Variants in ANXA6 observed in about 807,000 individuals in gnomAD.
ANXA6 encodes annexin A6.
ANXA6 carries 71 observed loss-of-function variants against 95.4 expected under a neutral mutation model. The observed-to-expected ratio is 0.74, with a 90% CI of 0.61 to 0.91. The LOEUF (loss-of-function observed/expected upper bound fraction) is 0.91. Among genes scored for constraint, ANXA6 ranks in the 40% least tolerant of loss-of-function variants. ANXA6 has a pLI of 0.00. For missense variants in ANXA6, 830 were observed against 876.4 expected, an observed-to-expected ratio of 0.95 and a Z score of 0.67; for synonymous variants, 289 against 315.9, an observed-to-expected ratio of 0.91 and a Z score of 0.90.
In ANXA6 at chr5:151,101,329, A is replaced by AAC; in HGVS notation, c.*117_*118dup. On this transcript the variant is annotated 3_prime_UTR_variant, in exon 26 of 26. Transcript: ENST00000354546. ...TCCACTGAAGATAAGAGCCCAACCCAACCCCTCCCCCCACCCCTGCCCCTT... is the reference window on the plus strand; with the variant it reads ...TCCACTGAAGATAAGAGCCCAACCCAACACCCCTCCCCCCACCCCTGCCCCTT... 2.5e-6 allele frequency: 1 copy of AAC among 401,590 alleles called. No homozygotes were observed. The highest frequency in any genetic ancestry group is 5.0e-6 in the Non-Finnish European group (1 of 200,476). The allele number at this position is 401,590 out of a possible 1,614,324, so 24.9% of individuals were successfully genotyped here. A position where few individuals can be genotyped will look rare whatever the true frequency, so the allele number is the denominator to read the frequency against.
At chr5:151,104,552 C>G (rs1554083539) in intron 24 of ANXA6, among the ~76,000 whole-genome samples, 1 of 152,246 alleles carries the variant, frequency 6.6e-6, no homozygotes, top group Non-Finnish European at 1.5e-5. Flanking sequence ...CAGCTGTGGT[C>G]AGAGAGATGA....
At position 151,132,639 on chromosome 5, in the gene ANXA6, C is replaced by T. The variant is rs1765549142; in HGVS notation, c.641-68G>A. The T allele has an allele frequency of 2.2e-6, 3 of 1,357,066 alleles. No individual in the cohort carries two copies. In the Middle Eastern group the frequency reaches 5.9e-4, roughly 267 times the overall value. 84.1% of individuals were successfully genotyped at this position (1,357,066 alleles called of 1,614,324 possible). A position where few individuals can be genotyped will look rare whatever the true frequency, so the allele number is the denominator to read the frequency against. On this transcript the variant is annotated intron_variant, in intron 9 of 25. Transcript: ENST00000354546. ...TACCCCCGAGAAGAAATGAGGACTT[C>T]AAGAGCAGGGGGGCACAGTGGCCAG... is the stretch of plus-strand genomic sequence containing the variant.
chr5:151,117,177 G>T lies in ANXA6; in HGVS notation c.1522C>A (p.His508Asn), dbSNP rs112943838. The T allele has an allele frequency of 6.7e-4, 1,063 of 1,590,014 alleles. 5 individuals are homozygous for T. In the African/African-American group the frequency reaches 0.012, roughly 18 times the overall value. The change falls in exon 20 of 26, where the codon CAT (histidine) becomes AAT (asparagine). Residue 508 changes from histidine to asparagine, a missense_variant. Physicochemically the swap from His to Asn is moderately conservative, Grantham distance 68. Coordinates refer to ENST00000354546, the MANE Select transcript of ANXA6 (RefSeq NM_001155.5). Reference protein sequence around the residue: ...RRILISLATGHREEGGENLDQ... With the variant: ...RRILISLATGNREEGGENLDQ... ...AGGTTTTCTCCTCCCTCCTCACGAT[G>T]CCCCTGCAGCAGGAGCAGCAAGAAA... is the stretch of plus-strand genomic sequence containing the variant.
intron 23 of ANXA6, among the ~76,000 whole-genome samples, chr5:151,106,487 C>T (rs1764698310): frequency 6.6e-6 from 1 of 152,166 alleles, no homozygotes; most frequent in Non-Finnish European, 1.5e-5. Flanking sequence ...CTACTACCTC[C>T]CAAACAAATC....
chr5:151,111,452 C>T (rs1764846072), intron 20 of ANXA6, among the ~76,000 whole-genome samples: 1 of 152,220 alleles, frequency 6.6e-6, no homozygotes, highest in Admixed American at 6.5e-5. Flanking sequence ...CTCTTCTTTT[C>T]ATTGCATAAT....
rs923671024 is a variant in ANXA6 at position 151,143,483 on chromosome 5, C to G, written c.19-3240G>C. 1.1e-4 allele frequency among the ~76,000 whole-genome samples: 16 copies of G among 152,178 alleles called. 1 individual carries two copies. The highest frequency in any genetic ancestry group is 8.5e-4 in the Admixed American group (13 of 15,278). ...ACTCACAATTCCAGGGCAGCTAGGG[C>G]TACCCTACCATTCATTCATTCAATC... is the stretch of plus-strand genomic sequence containing the variant. On this transcript the variant is annotated intron_variant, in intron 2 of 25. Coordinates refer to ENST00000354546, the MANE Select transcript of ANXA6 (RefSeq NM_001155.5).
chr5:151,139,367 A>C lies in ANXA6; in HGVS notation c.190T>G (p.Ser64Ala). The change falls in exon 4 of 26, where the codon TCC becomes GCC. Residue 64 changes from serine to alanine, a missense_variant. Physicochemically the swap from Ser to Ala is moderately conservative, Grantham distance 99. Coordinates refer to ENST00000354546, the MANE Select transcript of ANXA6 (RefSeq NM_001155.5). ...GCTGTGGTTACCTTGCCGTAGAGGG[A>C]CTTGTAGCTCTGGCAGACCTCCTGC... is the stretch of plus-strand genomic sequence containing the variant. ...QRQEVCQSYK[S>A]LYGKDLIADL... The C allele has an allele frequency of 1.2e-6, 2 of 1,611,790 alleles. No homozygotes were observed. The highest frequency in any genetic ancestry group is 1.7e-6 in the Non-Finnish European group (2 of 1,178,710).
intron 17 of ANXA6, among the ~76,000 whole-genome samples, chr5:151,119,989 C>G (rs1199036040): frequency 6.6e-6 from 1 of 152,144 alleles, no homozygotes; most frequent in African/African-American, 2.4e-5. Flanking sequence ...AGGTGATTCT[C>G]CTACTTCAGC....
intron 13 of ANXA6, 52 bp downstream of exon 13, chr5:151,128,129 G>A (rs1765380781): frequency 6.0e-6 from 9 of 1,504,220 alleles, no homozygotes; most frequent in African/African-American, 1.4e-5. Flanking sequence ...GAGAGTCCCC[G>A]CCTGGCACCC....
At chr5:151,142,605 G>A (rs1057097219) in intron 2 of ANXA6, among the ~76,000 whole-genome samples, 8 of 152,202 alleles carry the variant, frequency 5.3e-5, no homozygotes, top group African/African-American at 1.4e-4. Flanking sequence ...GGAGACTGTC[G>A]TGAATAAGAC....
intron 3 of ANXA6, 62 bp downstream of exon 3, chr5:151,140,091 G>T: frequency 6.7e-7 from 1 of 1,489,754 alleles, no homozygotes; most frequent in Admixed American, 1.8e-5. Flanking sequence ...CACCAGAAGG[G>T]CTCTGGGCTG....
At position 151,133,201 on chromosome 5, in the gene ANXA6, G is replaced by GGTTTCCTCTTTCAGTCAA; in HGVS notation, c.547-15_547-14insTTGACTGAAAGAGGAAAC. The GGTTTCCTCTTTCAGTCAA allele has an allele frequency of 6.4e-7, 1 of 1,555,708 alleles. No individual in the cohort carries two copies. The highest frequency in any genetic ancestry group is 8.7e-7 in the Non-Finnish European group (1 of 1,146,234). On this transcript the variant is annotated splice_polypyrimidine_tract_variant and intron_variant, in intron 8 of 25. Transcript: ENST00000354546. ...CTCGTATAGGTCCTGAAGGGGAAGA[G>GGTTTCCTCTTTCAGTCAA]GTGGCACTTGACTGAAAGAGGAAAC...
chr5:151,108,114 A>G (rs1182679009), intron 23 of ANXA6, among the ~76,000 whole-genome samples: 1 of 151,502 alleles, frequency 6.6e-6, no homozygotes, highest in Non-Finnish European at 1.5e-5. Flanking sequence ...GTGTGTGTGT[A>G]TAGTATGTGT....
chr5:151,148,024 C>T (rs1371605933), intron 1 of ANXA6, 98 bp from the exon 2 acceptor site: 3 of 1,236,964 alleles, frequency 2.4e-6, no homozygotes, highest in Non-Finnish European at 2.3e-6. Flanking sequence ...CCAGCTGCCC[C>T]CAGCCCTTCA....
chr5:151,128,060 C>T (rs969643700), intron 13 of ANXA6, 121 bp downstream of exon 13: 46 of 854,120 alleles, frequency 5.4e-5, no homozygotes, highest in Admixed American at 2.0e-4. Flanking sequence ...ACTTGTGCGA[C>T]GCTCCTGGCT....
intron 14 of ANXA6, among the ~76,000 whole-genome samples, chr5:151,125,391 C>T (rs1053652235): frequency 1.3e-5 from 2 of 149,584 alleles, no homozygotes; most frequent in African/African-American, 4.9e-5. Flanking sequence ...TATATAACTA[C>T]CATGAATTAG....
chr5:151,111,369 C>G (rs1764843376), intron 20 of ANXA6, among the ~76,000 whole-genome samples: 1 of 152,240 alleles, frequency 6.6e-6, no homozygotes, highest in Admixed American at 6.5e-5. Context: ...CCCAGAAACT[C>G]TGCTGACTTT....
intron 2 of ANXA6, among the ~76,000 whole-genome samples, chr5:151,142,042 T>A (rs1765851983): frequency 6.6e-6 from 1 of 152,238 alleles, no homozygotes; most frequent in Non-Finnish European, 1.5e-5. Flanking sequence ...ATTTGCCACA[T>A]GAATAAAATG....
intron 6 of ANXA6, among the ~76,000 whole-genome samples, chr5:151,136,594 G>T (rs1765670130): frequency 6.6e-6 from 1 of 152,126 alleles, no homozygotes; most frequent in South Asian, 2.1e-4. Context: ...GCTTTCCGAT[G>T]GTTCTCTCCT....
Sources: allele counts gnomAD v4.1 joint callset (sites outside exome capture counted in the v4.1 genomes callset), GRCh38; gene constraint gnomAD v4.1.1; transcripts MANE v1.5; gene names NCBI Gene and HGNC (gene_info 2026-07-23, HGNC 2026-07-21).